Variants in MZT1 observed in about 807,000 individuals in gnomAD.
The protein encoded by MZT1 is mitotic spindle organizing protein 1.
Under a neutral mutation model 8.5 loss-of-function variants are expected in MZT1, and 8 were observed. The ratio of observed to expected loss-of-function variants is 0.94; its 90% CI spans 0.55 to 1.70. The LOEUF (loss-of-function observed/expected upper bound fraction) is 1.70. Among genes scored for constraint, MZT1 ranks in the 40% most tolerant of loss-of-function variants. The probability of loss-of-function intolerance (pLI) is 0.00; values close to 1 mark genes in which losing one functional copy is unlikely to be tolerated. For synonymous variants in MZT1, 38 were observed against 42.0 expected (o/e 0.90, Z 0.37); for missense variants, 93 against 108.6 (o/e 0.86, Z 0.64).
intron 2 of MZT1, among the ~76,000 whole-genome samples, chr13:72,712,802 C>T (rs2032500524): frequency 6.6e-6 from 1 of 152,154 alleles, no homozygotes; most frequent in African/African-American, 2.4e-5. Flanking sequence ...CTTATATGCA[C>T]TCAAACTGTA....
intron 2 of MZT1, among the ~76,000 whole-genome samples, chr13:72,711,301 A>C (rs2032486786): frequency 6.6e-6 from 1 of 152,244 alleles, no homozygotes; most frequent in African/African-American, 2.4e-5. Context: ...GCACTTAATT[A>C]ACAATCCTAT....
chr13:72,708,947 T>G lies in MZT1; in HGVS notation c.*1375A>C, dbSNP rs1484030087. Reference sequence around the variant, plus strand: ...AAGAGTGAATGCTTGTACAATCATATAAATGGTACTCAATAAAATCTAAAA... The same window carrying G: ...AAGAGTGAATGCTTGTACAATCATAGAAATGGTACTCAATAAAATCTAAAA... On this transcript the variant is annotated 3_prime_UTR_variant, in exon 3 of 3. Coordinates refer to ENST00000377818, the MANE Select transcript of MZT1 (RefSeq NM_001071775.3). 1 of 151,846 alleles carries G rather than the reference T, an allele frequency of 6.6e-6. No homozygotes were observed. Among genetic ancestry groups the G allele is most frequent in the Non-Finnish European group, 1.5e-5 (1 of 67,924 alleles). The allele number at this position is 151,846 out of a possible 1,614,324, so 9.4% of individuals were successfully genotyped here. A position where few individuals can be genotyped will look rare whatever the true frequency, so the allele number is the denominator to read the frequency against.
In MZT1 at chr13:72,720,303, T is replaced by C. The variant is rs140811581; in HGVS notation, c.80-1206A>G. ...GGCAACCATTTAATTTCTAACTTTATATTGCATGTAGTAGGGTAAACATTC... is the reference window on the plus strand; with the variant it reads ...GGCAACCATTTAATTTCTAACTTTACATTGCATGTAGTAGGGTAAACATTC... On this transcript the variant is annotated intron_variant, in intron 1 of 2. Transcript: ENST00000377818. 7.8e-3 allele frequency among the ~76,000 whole-genome samples: 1,181 copies of C among 152,380 alleles called. 15 individuals are homozygous for C. Among genetic ancestry groups the C allele is most frequent in the African/African-American group, 0.027 (1,123 of 41,588 alleles).
At position 72,724,752 on chromosome 13, in the gene MZT1, A is replaced by ATATATATATATATGTG. The variant is rs1180726488; in HGVS notation, c.79+2771_79+2772insCACATATATATATATA. On this transcript the variant is annotated intron_variant, in intron 1 of 2. Transcript: ENST00000377818. ...TATATATATATATACACATATATAT[A>ATATATATATATATGTG]TGTAAAGTGGTGCTACAGGCCGGGC... Among the ~76,000 whole-genome samples, 19 of 56,884 alleles carry ATATATATATATATGTG rather than the reference A, an allele frequency of 3.3e-4. 3 individuals carry two copies. The highest frequency in any genetic ancestry group is 4.5e-4 in the Non-Finnish European group (12 of 26,832). The allele number at this position is 56,884 out of a possible 152,430, so 37.3% of individuals were successfully genotyped here. A position where few individuals can be genotyped will look rare whatever the true frequency, so the allele number is the denominator to read the frequency against.
At chr13:72,722,097 T>C (rs1477594298) in intron 1 of MZT1, among the ~76,000 whole-genome samples, 1 of 152,244 alleles carries the variant, frequency 6.6e-6, no homozygotes, top group Non-Finnish European at 1.5e-5. Flanking sequence ...GCTATATTCT[T>C]AAACTGTATT....
chr13:72,724,333 C>G (rs541716657), intron 1 of MZT1, among the ~76,000 whole-genome samples: 5 of 151,978 alleles, frequency 3.3e-5, no homozygotes, highest in African/African-American at 1.2e-4. Flanking sequence ...TTTAGCCAAC[C>G]TGAAATGAGT....
rs1180726488 is a variant in MZT1, at chr13:72,724,752, A to ATATATATATATATATGTGTGTGTG, written c.79+2771_79+2772insCACACACACATATATATATATATA. The stretch of plus-strand genomic sequence containing the variant: ...TATATATATATATACACATATATAT[A>ATATATATATATATATGTGTGTGTG]TGTAAAGTGGTGCTACAGGCCGGGC... On this transcript the variant is annotated intron_variant, in intron 1 of 2. Coordinates refer to ENST00000377818, the MANE Select transcript of MZT1 (RefSeq NM_001071775.3). 5.6e-4 allele frequency among the ~76,000 whole-genome samples: 32 copies of ATATATATATATATATGTGTGTGTG among 56,880 alleles called. 6 individuals are homozygous for ATATATATATATATATGTGTGTGTG. The highest frequency in any genetic ancestry group is 7.5e-4 in the African/African-American group (15 of 20,004). The allele number at this position is 56,880 out of a possible 152,430, so 37.3% of individuals were successfully genotyped here.
At chr13:72,727,404 T>A in intron 1 of MZT1, 120 bp downstream of exon 1, 1 of 987,738 alleles carries the variant, frequency 1.0e-6, no homozygotes, top group Non-Finnish European at 1.6e-6. Flanking sequence ...CTACCAAAGA[T>A]CTTGGAAGAT....
At chr13:72,721,425 A>C (rs1049861685) in intron 1 of MZT1, among the ~76,000 whole-genome samples, 7 of 152,202 alleles carry the variant, frequency 4.6e-5, no homozygotes, top group Non-Finnish European at 1.0e-4. Context: ...ATCCTTCTAG[A>C]TGGTTCCCTC....
intron 2 of MZT1, 73 bp downstream of exon 2, chr13:72,718,879 C>T: frequency 7.1e-7 from 1 of 1,398,766 alleles, no homozygotes; most frequent in Non-Finnish European, 9.5e-7. Context: ...GGATGTTTCC[C>T]ATAACTTCAT....
chr13:72,719,052 T>C lies in MZT1; in HGVS notation c.125A>G (p.Glu42Gly). 1 of 1,578,484 alleles carries C rather than the reference T, an allele frequency of 6.3e-7. No individual in the cohort carries two copies. Among genetic ancestry groups the C allele is most frequent in the Non-Finnish European group, 8.6e-7 (1 of 1,167,986 alleles). Reference sequence around the variant, plus strand: ...AAGCCGTACACAAATAGACAGAGTTTCCATATCTAAGCCAGTATTCAAAAT... The same window carrying C: ...AAGCCGTACACAAATAGACAGAGTTCCCATATCTAAGCCAGTATTCAAAAT... ...SRILNTGLDM[E>G]TLSICVRLCE... The change falls in exon 2 of 3, where the codon GAA becomes GGA. Residue 42 changes from glutamate to glycine, a missense_variant. By Grantham distance (98) the Glu-to-Gly change is moderately conservative. Transcript: ENST00000377818.
Position 72,711,967 on chromosome 13 carries a change from G to A in MZT1, c.226-1622C>T, listed in dbSNP as rs190458971. Reference sequence around the variant, plus strand: ...AACACTTTTATTTTTAAAATAGCATGATACTATCTGGAATGATGTTCACCA... The same window carrying A: ...AACACTTTTATTTTTAAAATAGCATAATACTATCTGGAATGATGTTCACCA... On this transcript the variant is annotated intron_variant, in intron 2 of 2. Coordinates refer to ENST00000377818, the MANE Select transcript of MZT1 (RefSeq NM_001071775.3). Among the ~76,000 whole-genome samples the A allele has an allele frequency of 1.9e-3, 284 of 152,170 alleles. 1 individual carries two copies. The highest frequency in any genetic ancestry group is 3.1e-3 in the Non-Finnish European group (208 of 67,988).
chr13:72,721,696 T>A (rs1014246828), intron 1 of MZT1, among the ~76,000 whole-genome samples: 1 of 152,228 alleles, frequency 6.6e-6, no homozygotes, highest in South Asian at 2.1e-4. Flanking sequence ...GAAATCACTT[T>A]GCTTGTTTCC....
chr13:72,710,679 A>T (rs2032480433), intron 2 of MZT1, among the ~76,000 whole-genome samples: 1 of 152,086 alleles, frequency 6.6e-6, no homozygotes, highest in African/African-American at 2.4e-5. Context: ...TCTGTGTTTT[A>T]TTCTAGTAAT....
chr13:72,725,249 T>C (rs1566215062), intron 1 of MZT1, among the ~76,000 whole-genome samples: 1 of 151,838 alleles, frequency 6.6e-6, no homozygotes, highest in Admixed American at 6.6e-5. Context: ...GAGGGGGGTG[T>C]TGTTGAAAAG....
At chr13:72,719,343 T>C (rs964281186) in intron 1 of MZT1, among the ~76,000 whole-genome samples, 5 of 152,328 alleles carry the variant, frequency 3.3e-5, no homozygotes, top group Admixed American at 3.3e-4. Flanking sequence ...ATTCTAGCAC[T>C]TGTTTAATAT....
chr13:72,713,073 C>T (rs981126333), intron 2 of MZT1, among the ~76,000 whole-genome samples: 3 of 152,186 alleles, frequency 2.0e-5, no homozygotes, highest in African/African-American at 7.2e-5. Context: ...TCCTAAACTG[C>T]TGGCTCAGGA....
intron 1 of MZT1, among the ~76,000 whole-genome samples, chr13:72,721,344 A>T (rs2032592090): frequency 6.6e-6 from 1 of 152,196 alleles, no homozygotes. Context: ...AATTACAAAG[A>T]TTTCCATTCT....
At chr13:72,715,297 G>A (rs1364999897) in intron 2 of MZT1, among the ~76,000 whole-genome samples, 1 of 152,180 alleles carries the variant, frequency 6.6e-6, no homozygotes, top group East Asian at 1.9e-4. Context: ...GGATGGGAAT[G>A]TTTACCCAAT....
Sources: gnomAD v4.1 joint callset for allele counts (sites outside exome capture counted in the v4.1 genomes callset) on GRCh38, gnomAD v4.1.1 for gene constraint, MANE v1.5 for transcripts, NCBI Gene and HGNC (gene_info 2026-07-23, HGNC 2026-07-21) for gene names.